Variants in GSE1 observed in about 807,000 individuals in gnomAD.
The protein encoded by GSE1 is Gse1 coiled-coil protein.
GSE1 carries 32 observed loss-of-function variants against 112.6 expected under a neutral mutation model. The observed-to-expected ratio is 0.28, with a 90% CI of 0.21 to 0.38. GSE1 has a LOEUF of 0.38. Ranked by LOEUF, GSE1 falls within the 10% of genes least tolerant of loss-of-function variation. The probability of loss-of-function intolerance (pLI) is 1.00; values close to 1 mark genes in which losing one functional copy is unlikely to be tolerated. For synonymous variants in GSE1, 1,115 were observed against 735.6 expected (o/e 1.52, Z -8.35); for missense variants, 2,348 against 1,699.2 (o/e 1.38, Z -6.71).
intron 1 of GSE1, among the ~76,000 whole-genome samples, chr16:85,604,806 T>TATATATATAAAAA (rs2047624248): frequency 1.1e-3 from 1 of 940 alleles, no homozygotes; most frequent in Non-Finnish European, 2.8e-3. Flanking sequence ...TATATATATA[T>TATATATATAAAAA]TTTTTTTTTT....
intron 1 of GSE1, among the ~76,000 whole-genome samples, chr16:85,272,373 T>C (rs865988731): frequency 5.3e-5 from 8 of 152,362 alleles, no homozygotes; most frequent in African/African-American, 1.9e-4. Context: ...AACTTTCTTC[T>C]GTTTCTGCCC....
intron 2 of GSE1, among the ~76,000 whole-genome samples, chr16:85,395,492 T>C (rs538408224): frequency 6.6e-6 from 1 of 152,266 alleles, no homozygotes; most frequent in Non-Finnish European, 1.5e-5. Context: ...AGAGCCTGCA[T>C]GTCTGGCCAG....
chr16:85,576,113 A>G (rs2046218778), intron 1 of GSE1, among the ~76,000 whole-genome samples: 1 of 152,278 alleles, frequency 6.6e-6, no homozygotes, highest in Admixed American at 6.5e-5. Flanking sequence ...CCTTTGATTT[A>G]TCTGATCTCT....
At chr16:85,663,862 C>T (rs1033528830) in intron 11 of GSE1, among the ~76,000 whole-genome samples, 6 of 152,268 alleles carry the variant, frequency 3.9e-5, no homozygotes, top group African/African-American at 1.4e-4. Flanking sequence ...GTCACTCATC[C>T]ATCTCCCAGC....
chr16:85,246,348 T>TAC (rs375723620), intron 1 of GSE1, among the ~76,000 whole-genome samples: 792 of 61,672 alleles, frequency 0.013, 37 homozygotes, highest in African/African-American at 0.047. Flanking sequence ...ACACGCTGTC[T>TAC]ACACACACAC....
chr16:85,241,209 T>C (rs866730298), intron 1 of GSE1, among the ~76,000 whole-genome samples: 3 of 152,006 alleles, frequency 2.0e-5, no homozygotes, highest in African/African-American at 7.3e-5. Flanking sequence ...TTGGGCTCGT[T>C]GCTTCTCCTC....
At chr16:85,485,241 C>T (rs543021131) in intron 2 of GSE1, among the ~76,000 whole-genome samples, 4 of 152,246 alleles carry the variant, frequency 2.6e-5, no homozygotes, top group African/African-American at 7.2e-5. Flanking sequence ...CGGTTTCCCG[C>T]GCCCAGAGGC....
chr16:85,357,497 G>C (rs369958479), exon 2 of GSE1: 13 of 1,255,580 alleles, frequency 1.0e-5, no homozygotes, highest in Middle Eastern at 2.5e-4. Context: ...TCTGCAGCCA[G>C]CCACCCTCCC....
chr16:85,520,113 G>A (rs2052130268), intron 2 of GSE1, among the ~76,000 whole-genome samples: 1 of 152,346 alleles, frequency 6.6e-6, no homozygotes, highest in East Asian at 1.9e-4. Context: ...ATTTCTGGAG[G>A]CTGAAAGTCC....
chr16:85,465,757 G>T (rs2050105446), intron 2 of GSE1, among the ~76,000 whole-genome samples: 1 of 152,174 alleles, frequency 6.6e-6, no homozygotes, highest in African/African-American at 2.4e-5. Context: ...CTCCCTATCA[G>T]ACAGACGTTC....
At chr16:85,574,970 G>A (rs536115132) in intron 1 of GSE1, among the ~76,000 whole-genome samples, 4 of 152,174 alleles carry the variant, frequency 2.6e-5, no homozygotes, top group African/African-American at 7.2e-5. Context: ...CGACAAGGCC[G>A]GGCAGCCCCC....
At chr16:85,248,006 G>A (rs939980172) in intron 1 of GSE1, among the ~76,000 whole-genome samples, 1 of 152,234 alleles carries the variant, frequency 6.6e-6, no homozygotes, top group African/African-American at 2.4e-5. Context: ...GACAGCTAGG[G>A]GTGACCCTGG....
chr16:85,386,566 C>T (rs2047693008), intron 2 of GSE1, among the ~76,000 whole-genome samples: 1 of 152,236 alleles, frequency 6.6e-6, no homozygotes, highest in Admixed American at 6.5e-5. Flanking sequence ...ATAGTGGTGG[C>T]TCAGAGCATG....
chr16:85,655,443 G>A (rs551131917), intron 5 of GSE1, among the ~76,000 whole-genome samples: 3 of 152,300 alleles, frequency 2.0e-5, no homozygotes, highest in Non-Finnish European at 2.9e-5. Context: ...CAGCCTGCTC[G>A]CCAGCCTTGG....
chr16:85,170,945 C>T lies in GSE1; in HGVS notation c.1421C>T (p.Ser474Phe), dbSNP rs764552705. Residue 474 changes from serine (S) to phenylalanine (F), a missense_variant, in exon 1 of 3, where the codon TCC (serine) becomes TTC (phenylalanine). Physicochemically the swap from Ser to Phe is radical, Grantham distance 155. Coordinates refer to the GSE1 transcript ENST00000637419. ...CTCCCGAGGGAAGAGGGCCTGCCCT[C>T]CGGGGCCCTGCGAGAGGCCTGCTAC... 6.5e-4 allele frequency: 639 copies of T among 985,526 alleles called. 1 individual carries two copies. Among genetic ancestry groups the T allele is most frequent in the Non-Finnish European group, 7.5e-4 (624 of 829,998 alleles). The allele number at this position is 985,526 out of a possible 1,614,324, so 61.0% of individuals were successfully genotyped here. A position where few individuals can be genotyped will look rare whatever the true frequency, so the allele number is the denominator to read the frequency against.
In GSE1 at chr16:85,468,193, GC is replaced by G. The variant is rs1030837026; in HGVS notation, c.2464+110553del. Reference sequence around the variant, plus strand: ...CCTTGAACCACAAGAAGGTGGGAAAGCCCTTAGAGGAACAGGGAATATTCGA... The same window carrying G: ...CCTTGAACCACAAGAAGGTGGGAAAGCCTTAGAGGAACAGGGAATATTCGA... On this transcript the variant is annotated intron_variant, in intron 2 of 2. Transcript: ENST00000637419. 1.3e-4 allele frequency among the ~76,000 whole-genome samples: 8 copies of G among 60,440 alleles called. 1 individual carries two copies. The highest frequency in any genetic ancestry group is 4.3e-4 in the African/African-American group (8 of 18,402). The allele number at this position is 60,440 out of a possible 152,430, so 39.7% of individuals were successfully genotyped here. A position where few individuals can be genotyped will look rare whatever the true frequency, so the allele number is the denominator to read the frequency against.
intron 2 of GSE1, among the ~76,000 whole-genome samples, chr16:85,402,040 C>T (rs2048126350): frequency 6.6e-6 from 1 of 152,208 alleles, no homozygotes; most frequent in Non-Finnish European, 1.5e-5. Context: ...AGCCCGGAGA[C>T]GTTGGAGGCC....
chr16:85,289,512 A>C (rs2045142302), intron 1 of GSE1, among the ~76,000 whole-genome samples: 2 of 152,182 alleles, frequency 1.3e-5, no homozygotes, highest in Admixed American at 1.3e-4. Context: ...GCCGTTTCCC[A>C]TTCTGCAGGT....
intron 2 of GSE1, among the ~76,000 whole-genome samples, chr16:85,524,189 C>T (rs2052286890): frequency 1.3e-5 from 2 of 152,162 alleles, no homozygotes; most frequent in Admixed American, 1.3e-4. Flanking sequence ...CTGGCTCTCT[C>T]TGGCTGGCAG....
Sources: allele counts gnomAD v4.1 joint callset (sites outside exome capture counted in the v4.1 genomes callset), GRCh38; gene constraint gnomAD v4.1.1; transcripts MANE v1.5; gene names NCBI Gene and HGNC (gene_info 2026-07-23, HGNC 2026-07-21).